ADAM12: variants seen among roughly 807,000 people sequenced by gnomAD.
ADAM12 encodes ADAM metallopeptidase domain 12, also known as disintegrin and metalloproteinase domain-containing protein 12.
A neutral mutation model predicts 106.4 loss-of-function variants in ADAM12; 70 were observed. The observed-to-expected ratio is 0.66, with a 90% CI of 0.54 to 0.80. The LOEUF is 0.80. ADAM12 is among the 30% of genes least tolerant of loss of function. The pLI is 0.00. For missense variants in ADAM12, 1,010 were observed against 1,171.9 expected (o/e 0.86, Z 2.02); for synonymous variants, 420 against 433.5 (o/e 0.97, Z 0.39).
rs79763035 is a variant in ADAM12 at position 126,252,764 on chromosome 10, C to T, written c.260+26151G>A. 1.6e-4 allele frequency among the ~76,000 whole-genome samples: 25 copies of T among 152,154 alleles called. No homozygotes were observed. The East Asian group carries it at 4.5e-3, about 27-fold the overall frequency. The stretch of plus-strand genomic sequence containing the variant: ...ATACATCCATACATAATGCTTTACC[C>T]GCTTTCTCGGTGTCTGTTAACCCAG... On this transcript the variant is annotated intron_variant, in intron 3 of 22. Transcript: ENST00000448723.
chr10:126,123,126 T>G (rs1195969182), intron 5 of ADAM12, among the ~76,000 whole-genome samples: 1 of 152,196 alleles, frequency 6.6e-6, no homozygotes, highest in East Asian at 1.9e-4. Context: ...AATTAAATAA[T>G]TGCTTTGGAC....
At chr10:126,121,595 A>ATTTTTTT (rs1956117412) in intron 5 of ADAM12, among the ~76,000 whole-genome samples, 1 of 149,366 alleles carries the variant, frequency 6.7e-6, no homozygotes, top group African/African-American at 2.5e-5. Flanking sequence ...CAGCAACCCA[A>ATTTTTTT]GGATCTAGGT....
chr10:126,272,778 G>A (rs1959185141), intron 3 of ADAM12: 2 of 286,466 alleles, frequency 7.0e-6, no homozygotes, highest in South Asian at 7.2e-5. Flanking sequence ...GCCATGTGCT[G>A]CCTCCAGGGG....
At chr10:126,017,363 A>T in intron 22 of ADAM12, 24 bp from the exon 23 acceptor site, 5 of 1,557,496 alleles carry the variant, frequency 3.2e-6, no homozygotes, top group Non-Finnish European at 4.4e-6. Flanking sequence ...GGAGAAAAAA[A>T]AATGATCAGA....
intron 3 of ADAM12, among the ~76,000 whole-genome samples, chr10:126,206,854 T>TGGGG (rs145374984): frequency 3.2e-4 from 26 of 81,752 alleles, no homozygotes; most frequent in South Asian, 1.1e-3. Flanking sequence ...CCATGTGTTG[T>TGGGG]GGGGGCGGGG....
At chr10:126,089,603 A>G (rs1315954228) in intron 11 of ADAM12, among the ~76,000 whole-genome samples, 2 of 152,186 alleles carry the variant, frequency 1.3e-5, no homozygotes, top group Non-Finnish European at 2.9e-5. Context: ...TTGCCTGAGA[A>G]GCTTCAATGA....
chr10:126,204,317 T>A (rs1372858036), intron 3 of ADAM12, among the ~76,000 whole-genome samples: 1 of 152,172 alleles, frequency 6.6e-6, no homozygotes, highest in African/African-American at 2.4e-5. Context: ...GATGTGATGC[T>A]TGGAACTGGA....
Position 126,388,241 on chromosome 10 carries a change from A to T in ADAM12, c.-96T>A, listed in dbSNP as rs1856750496. On this transcript the variant is annotated 5_prime_UTR_variant, in exon 1 of 23. Coordinates refer to ENST00000448723, the MANE Select transcript of ADAM12 (RefSeq NM_001288973.2). This position sits in a 1 kb window ranked among gnomAD's most constrained non-coding sequence, Gnocchi z 4.4. ...AGCCGGGGCCGGGCGTCGCGACCGG[A>T]GGGATTTCCTGCCTCGGCGAGTCAG... 5 of 1,184,732 alleles carry T rather than the reference A, an allele frequency of 4.2e-6. No homozygotes were observed. The highest frequency in any genetic ancestry group is 1.0e-6 in the Non-Finnish European group (1 of 957,502). 73.4% of individuals were successfully genotyped at this position (1,184,732 alleles called of 1,614,324 possible). A position where few individuals can be genotyped will look rare whatever the true frequency, so the allele number is the denominator to read the frequency against.
intron 1 of ADAM12, among the ~76,000 whole-genome samples, chr10:126,339,847 CTTTTTTTTT>C (rs146232567): frequency 7.9e-5 from 6 of 75,680 alleles, no homozygotes; most frequent in South Asian, 6.1e-4. Context: ...CATTCTAGGG[CTTTTTTTTT>C]TTTTTTTTTT....
At chr10:126,250,800 G>A (rs925762657) in intron 3 of ADAM12, among the ~76,000 whole-genome samples, 1 of 152,182 alleles carries the variant, frequency 6.6e-6, no homozygotes, top group Non-Finnish European at 1.5e-5. Flanking sequence ...CCAGGATATT[G>A]ACACTGATAC....
At chr10:126,078,983 T>C (rs894483333) in intron 11 of ADAM12, among the ~76,000 whole-genome samples, 1 of 152,174 alleles carries the variant, frequency 6.6e-6, no homozygotes, top group Non-Finnish European at 1.5e-5. Flanking sequence ...AATCCTGCTG[T>C]GATCCCACAT....
intron 14 of ADAM12, among the ~76,000 whole-genome samples, chr10:126,054,409 C>T (rs1339115717): frequency 1.3e-5 from 2 of 152,244 alleles, no homozygotes; most frequent in Non-Finnish European, 2.9e-5. Context: ...CGCCTTCCCA[C>T]CTGCTCTGCG....
chr10:126,353,076 C>T (rs1036908752), intron 1 of ADAM12, among the ~76,000 whole-genome samples: 1 of 152,216 alleles, frequency 6.6e-6, no homozygotes, highest in African/African-American at 2.4e-5. Flanking sequence ...ATTCGTGGAA[C>T]ATCAGAGCAT....
chr10:126,311,090 C>A (rs1371840026), intron 2 of ADAM12, among the ~76,000 whole-genome samples: 3 of 107,626 alleles, frequency 2.8e-5, no homozygotes, highest in East Asian at 6.0e-4. Context: ...TACATACACA[C>A]AAATACACAC....
intron 2 of ADAM12, among the ~76,000 whole-genome samples, chr10:126,291,748 A>C (rs1229831660): frequency 6.6e-6 from 1 of 152,148 alleles, no homozygotes; most frequent in African/African-American, 2.4e-5. Flanking sequence ...TGATGGATGC[A>C]GCTCTGGGAT....
chr10:126,169,109 C>T (rs1957075243), intron 3 of ADAM12, among the ~76,000 whole-genome samples: 1 of 152,172 alleles, frequency 6.6e-6, no homozygotes, highest in African/African-American at 2.4e-5. Context: ...GGCCCACCCC[C>T]TCTACCTGCT....
intron 3 of ADAM12, among the ~76,000 whole-genome samples, chr10:126,263,178 G>T (rs1959034328): frequency 6.6e-6 from 1 of 152,150 alleles, no homozygotes; most frequent in Non-Finnish European, 1.5e-5. Context: ...TTGTAAGCAT[G>T]ATTTCTGCCA....
chr10:126,304,355 A>C (rs1960752779), intron 2 of ADAM12, among the ~76,000 whole-genome samples: 1 of 151,920 alleles, frequency 6.6e-6, no homozygotes, highest in East Asian at 1.9e-4. Flanking sequence ...AAAAACAAAA[A>C]ACCCAAACAG....
chr10:126,019,977 T>G lies in ADAM12; in HGVS notation c.2530-152A>C, dbSNP rs928061797. ...TGGAGGCTGACCTCTGTTAATCTTC[T>G]TGCCAAAATTTTCTGTAACATTTAA... On this transcript the variant is annotated intron_variant, in intron 21 of 22. Transcript: ENST00000448723. 6.5e-6 allele frequency: 6 copies of G among 922,550 alleles called. No individual in the cohort carries two copies. The African/African-American group carries it at 1.0e-4, about 15-fold the overall frequency. The allele number at this position is 922,550 out of a possible 1,614,324, so 57.1% of individuals were successfully genotyped here. A position where few individuals can be genotyped will look rare whatever the true frequency, so the allele number is the denominator to read the frequency against.
Sources: allele counts gnomAD v4.1 joint callset (sites outside exome capture counted in the v4.1 genomes callset), GRCh38; gene constraint gnomAD v4.1.1; non-coding constraint Gnocchi (gnomAD v3.1); transcripts MANE v1.5; gene names NCBI Gene and HGNC (gene_info 2026-07-23, HGNC 2026-07-21).